Variants in SYNE1 observed in about 807,000 individuals in gnomAD.
SYNE1 encodes spectrin repeat containing nuclear envelope protein 1.
A neutral mutation model predicts 1,111.0 loss-of-function variants in SYNE1; 616 were observed. That is an observed-to-expected ratio of 0.55 (90% confidence interval 0.52 to 0.59). The LOEUF (loss-of-function observed/expected upper bound fraction) is 0.59. Among genes scored for constraint, SYNE1 ranks in the 20% least tolerant of loss-of-function variants. The pLI, the probability that SYNE1 is intolerant of heterozygous loss-of-function variation, is 0.00. For missense variants in SYNE1, 10,006 were observed against 10,417.0 expected (o/e 0.96, Z 1.72); for synonymous variants, 3,855 against 3,825.8 (o/e 1.01, Z -0.28).
intron 6 of SYNE1, among the ~76,000 whole-genome samples, chr6:152,516,727 T>C (rs1440810500): frequency 2.0e-5 from 3 of 152,062 alleles, no homozygotes; most frequent in Non-Finnish European, 4.4e-5. Flanking sequence ...CATAGGCGCA[T>C]GCCACCACAT....
Position 152,159,444 on chromosome 6 carries a change from T to A in SYNE1, c.23791-3347A>T, listed in dbSNP as rs2061998674. 3.3e-5 allele frequency among the ~76,000 whole-genome samples: 5 copies of A among 152,180 alleles called. No homozygotes were observed. In the South Asian group the frequency reaches 1.0e-3, roughly 32 times the overall value. ...GTACAGGACTTTTTAAAGTCTTAAT[T>A]TAAAATTTAATTAAAAAGCTATATG... On this transcript the variant is annotated intron_variant, in intron 131 of 145. Coordinates refer to ENST00000367255, the MANE Select transcript of SYNE1 (RefSeq NM_182961.4).
intron 3 of SYNE1, among the ~76,000 whole-genome samples, chr6:152,558,911 C>G (rs2099384550): frequency 6.6e-6 from 1 of 152,012 alleles, no homozygotes; most frequent in East Asian, 1.9e-4. Context: ...TGCACACAGA[C>G]AATTCTCCAG....
At chr6:152,167,691 GC>G (rs2063959980) in intron 130 of SYNE1, 1 of 491,196 alleles carries the variant, frequency 2.0e-6, no homozygotes, top group Non-Finnish European at 4.2e-6. Flanking sequence ...TGAAAGGAAA[GC>G]TTTCAACTAC....
At position 152,367,257 on chromosome 6, in the gene SYNE1, G is replaced by A. The variant is rs759403157; in HGVS notation, c.9933C>T (p.Ser3311=). 2.2e-5 allele frequency: 35 copies of A among 1,614,078 alleles called. No individual in the cohort carries two copies. Among genetic ancestry groups the A allele is most frequent in the Admixed American group, 6.7e-5 (4 of 60,000 alleles). Residue 3311 remains serine, a synonymous_variant, in exon 62 of 146, where the codon TCC becomes TCT. Coordinates refer to ENST00000367255, the MANE Select transcript of SYNE1 (RefSeq NM_182961.4). ...HMLDSYCHPT[S]DKSVLDSRTL... Reference sequence around the variant, plus strand: ...TCCTGCTGTCCAGCACACTTTTGTCGGATGTCGGGTGGCAGTATGAATCCA... The same window carrying A: ...TCCTGCTGTCCAGCACACTTTTGTCAGATGTCGGGTGGCAGTATGAATCCA...
chr6:152,407,218 T>A, intron 44 of SYNE1, 22 bp from the exon 45 acceptor site: 1 of 1,612,638 alleles, frequency 6.2e-7, no homozygotes. Context: ...ACAGAAGCCA[T>A]GGCATTCATA....
chr6:152,231,785 T>TGTGA (rs1491498050), intron 113 of SYNE1, among the ~76,000 whole-genome samples: 3 of 42,936 alleles, frequency 7.0e-5, no homozygotes, highest in Non-Finnish European at 1.2e-4. Context: ...TACGTGTGTA[T>TGTGA]GTGTGTGTGT....
At chr6:152,246,533 G>A (rs569471579) in intron 105 of SYNE1, among the ~76,000 whole-genome samples, 15 of 152,228 alleles carry the variant, frequency 9.9e-5, no homozygotes, top group Admixed American at 5.2e-4. Context: ...CTCAAAAAGC[G>A]GAGCAAAAAG....
At chr6:152,606,978 CTTTTTTTTT>C (rs71017544) in intron 3 of SYNE1, among the ~76,000 whole-genome samples, 1 of 62,210 alleles carries the variant, frequency 1.6e-5, no homozygotes, top group Non-Finnish European at 2.8e-5. Flanking sequence ...CCTCGGTTCT[CTTTTTTTTT>C]TTTTTTTTTT....
At chr6:152,224,396 A>C in intron 117 of SYNE1, 98 bp downstream of exon 117, 1 of 1,071,384 alleles carries the variant, frequency 9.3e-7, no homozygotes, top group Non-Finnish European at 1.4e-6. Flanking sequence ...AACGTAAACA[A>C]CATATGGCAA....
intron 145 of SYNE1, chr6:152,127,130 C>T (rs998199126): frequency 6.6e-6 from 1 of 152,122 alleles, no homozygotes; most frequent in Non-Finnish European, 1.5e-5. Context: ...TCTTGCTAAT[C>T]CTAAACTACC....
intron 4 of SYNE1, among the ~76,000 whole-genome samples, chr6:152,530,768 C>T (rs952383005): frequency 2.0e-5 from 3 of 151,548 alleles, no homozygotes; most frequent in African/African-American, 7.3e-5. Flanking sequence ...ACTACAGGCG[C>T]CCACCACCAC....
intron 118 of SYNE1, among the ~76,000 whole-genome samples, 189 bp from the exon 119 acceptor site, chr6:152,221,235 G>T (rs1426619734): frequency 1.3e-5 from 2 of 152,142 alleles, no homozygotes; most frequent in African/African-American, 4.8e-5. Flanking sequence ...CAATCTTTGG[G>T]TGTACAGTAC....
At chr6:152,140,463 C>T (rs1366712239) in intron 139 of SYNE1, among the ~76,000 whole-genome samples, 2 of 152,086 alleles carry the variant, frequency 1.3e-5, no homozygotes, top group Non-Finnish European at 2.9e-5. Context: ...ATTCTTGGAT[C>T]CTGTCTACAA....
In SYNE1 at chr6:152,466,095, G is replaced by C. The variant is rs1281616262; in HGVS notation, c.1633-17C>G. Reference sequence around the variant, plus strand: ...TATAAAAGACTAGAAAAGGAGGAATGGTTAGAAGATAGCAAACATTAGGCT... The same window carrying C: ...TATAAAAGACTAGAAAAGGAGGAATCGTTAGAAGATAGCAAACATTAGGCT... On this transcript the variant is annotated splice_polypyrimidine_tract_variant and intron_variant, in intron 16 of 145. Transcript: ENST00000367255. 6.7e-7 allele frequency: 1 copy of C among 1,502,472 alleles called. No individual in the cohort carries two copies. Among genetic ancestry groups the C allele is most frequent in the East Asian group, 2.3e-5 (1 of 44,278 alleles). 93.1% of individuals were successfully genotyped at this position (1,502,472 alleles called of 1,614,324 possible). A position where few individuals can be genotyped will look rare whatever the true frequency, so the allele number is the denominator to read the frequency against.
At chr6:152,202,784 A>C (rs749432958) in intron 126 of SYNE1, among the ~76,000 whole-genome samples, 33 of 152,196 alleles carry the variant, frequency 2.2e-4, no homozygotes, top group Non-Finnish European at 4.4e-4. Flanking sequence ...TTAAAAAAAA[A>C]AGAGGATATG....
intron 4 of SYNE1, among the ~76,000 whole-genome samples, chr6:152,529,040 A>T (rs77249378): frequency 0.052 from 7,982 of 152,212 alleles, 283 homozygotes; most frequent in African/African-American, 0.098. Context: ...GTGTTCCCAT[A>T]GGTAGTGGCT....
In SYNE1 at chr6:152,387,364, A is replaced by G. The variant is rs754818452; in HGVS notation, c.8195T>C (p.Ile2732Thr). 6.2e-7 allele frequency: 1 copy of G among 1,614,142 alleles called. No homozygotes were observed. The highest frequency in any genetic ancestry group is 1.1e-5 in the South Asian group (1 of 91,090). ...VHAQSTLESVISQWNDYVERK... is the reference protein window; with the variant it reads ...VHAQSTLESVTSQWNDYVERK... ...CTCTACATAGTCATTCCATTGGCTA[A>G]TCACAGACTCTAAAGTGCTAGAATT... Residue 2732 changes from isoleucine (I) to threonine (T), a missense_variant, in exon 54 of 146, where the codon ATT becomes ACT. Physicochemically the swap from Ile to Thr is moderately conservative, Grantham distance 89. Around this residue, in one of 7 missense-constraint regions of SYNE1, gnomAD observed 4,955 missense variants for 5,017.2 expected, o/e 0.99. Transcript: ENST00000367255.
intron 130 of SYNE1, among the ~76,000 whole-genome samples, chr6:152,172,675 G>C (rs2065498518): frequency 6.6e-6 from 1 of 152,170 alleles, no homozygotes; most frequent in African/African-American, 2.4e-5. Context: ...TGGATTCATT[G>C]ACAAAACGAG....
At chr6:152,315,598 C>T (rs868284616) in intron 87 of SYNE1, 1 of 152,152 alleles carries the variant, frequency 6.6e-6, no homozygotes, top group Non-Finnish European at 1.5e-5. Flanking sequence ...CTCTCACTTC[C>T]TTAAATATGA....
Sources: gnomAD v4.1 joint callset for allele counts (sites outside exome capture counted in the v4.1 genomes callset) on GRCh38, gnomAD v4.1.1 for gene constraint, gnomAD v4.1.1 regional missense constraint, MANE v1.5 for transcripts, NCBI Gene and HGNC (gene_info 2026-07-23, HGNC 2026-07-21) for gene names.